Variants in SLC38A11 observed in about 807,000 individuals in gnomAD.
SLC38A11 encodes the protein solute carrier family 38 member 11.
A neutral mutation model predicts 49.4 loss-of-function variants in SLC38A11; 51 were observed. The ratio of observed to expected loss-of-function variants is 1.03; its 90% CI spans 0.83 to 1.30. The LOEUF is 1.30. SLC38A11 is among the 50% of genes most tolerant of loss of function. SLC38A11 has a pLI of 0.00. For synonymous variants in SLC38A11, 203 were observed against 192.9 expected (o/e 1.05, Z -0.43); for missense variants, 574 against 556.2 (o/e 1.03, Z -0.32).
intron 11 of SLC38A11, among the ~76,000 whole-genome samples, chr2:164,899,756 A>G (rs940892999): frequency 1.3e-5 from 2 of 152,112 alleles, no homozygotes; most frequent in Admixed American, 6.6e-5. Context: ...GTATTGAACT[A>G]ACATATCTAT....
At chr2:164,940,200 C>A (rs1687663594) in intron 5 of SLC38A11, among the ~76,000 whole-genome samples, 1 of 142,944 alleles carries the variant, frequency 7.0e-6, no homozygotes. Context: ...AGATTCTTGG[C>A]TATATGGTCA....
chr2:164,915,927 G>A lies in SLC38A11; in HGVS notation c.664C>T (p.Gln222Ter), dbSNP rs2105463975. Residue 222 changes from glutamine (Q) to a stop codon, truncating the protein, a stop_gained, in exon 8 of 12, where the codon CAA becomes TAA. Coordinates refer to ENST00000685975, the MANE Select transcript of SLC38A11 (RefSeq NM_001351537.2). LOFTEE classifies it high-confidence loss of function. ...CCAAAAGACATAACCCCGACCGCTT[G>A]AATGGCATTGGGCTTTGCAAATACC... ...AWVFAKPNAIQAVGVMSFAFI... is the reference protein window; with the variant it reads ...AWVFAKPNAI The A allele has an allele frequency of 2.5e-6, 4 of 1,603,020 alleles. No homozygotes were observed. The highest frequency in any genetic ancestry group is 3.4e-6 in the Non-Finnish European group (4 of 1,171,840).
At chr2:164,940,990 C>A (rs971463922) in intron 5 of SLC38A11, among the ~76,000 whole-genome samples, 1 of 151,840 alleles carries the variant, frequency 6.6e-6, no homozygotes, top group Non-Finnish European at 1.5e-5. Flanking sequence ...ACCCTTTAAA[C>A]GTTTTGCTTC....
At chr2:164,939,622 G>A in intron 5 of SLC38A11, 66 bp from the exon 6 acceptor site, 1 of 977,202 alleles carries the variant, frequency 1.0e-6, no homozygotes. Flanking sequence ...ACACTAAATA[G>A]GCCAGCATTT....
chr2:164,911,272 T>C (rs960294946), intron 10 of SLC38A11, among the ~76,000 whole-genome samples: 4 of 152,118 alleles, frequency 2.6e-5, no homozygotes, highest in Non-Finnish European at 4.4e-5. Context: ...AAACATGTTT[T>C]AAACCTTGAT....
rs188408211 is a variant in SLC38A11 at position 164,939,737 on chromosome 2, A to C, written c.431-181T>G. On this transcript the variant is annotated intron_variant, in intron 5 of 11. Transcript: ENST00000685975. The stretch of plus-strand genomic sequence containing the variant: ...ACATAAAAATAAATCACAAAAATAC[A>C]AACACAAAAAAATTTCAGGATGACT... Among the ~76,000 whole-genome samples the C allele has an allele frequency of 3.4e-3, 497 of 145,934 alleles. 2 individuals are homozygous for C. Among genetic ancestry groups the C allele is most frequent in the Non-Finnish European group, 5.6e-3 (365 of 65,442 alleles).
chr2:164,945,376 G>A (rs1185730449), intron 4 of SLC38A11, among the ~76,000 whole-genome samples: 1 of 151,148 alleles, frequency 6.6e-6, no homozygotes, highest in Non-Finnish European at 1.5e-5. Flanking sequence ...TTAACCTAGT[G>A]AAAATAACCC....
chr2:164,918,028 C>T (rs1266737106), intron 7 of SLC38A11, among the ~76,000 whole-genome samples: 1 of 150,560 alleles, frequency 6.6e-6, no homozygotes, highest in Non-Finnish European at 1.5e-5. Context: ...TATGGCTTTC[C>T]AATCATTTAT....
intron 7 of SLC38A11, among the ~76,000 whole-genome samples, chr2:164,927,916 G>A (rs1439502637): frequency 6.6e-6 from 1 of 152,094 alleles, no homozygotes; most frequent in Admixed American, 6.6e-5. Context: ...CCCAGTACCT[G>A]GAAGAGTGAC....
chr2:164,910,597 G>A (rs374489247), intron 10 of SLC38A11, among the ~76,000 whole-genome samples: 5 of 152,020 alleles, frequency 3.3e-5, no homozygotes, highest in Admixed American at 6.6e-5. Flanking sequence ...CTGTTTCCCC[G>A]TGCAGTCAGT....
intron 11 of SLC38A11, among the ~76,000 whole-genome samples, chr2:164,905,713 T>G (rs1159240829): frequency 6.6e-6 from 1 of 152,190 alleles, no homozygotes; most frequent in Non-Finnish European, 1.5e-5. Flanking sequence ...CATAATTGTC[T>G]TGGGCTATTA....
At chr2:164,952,628 A>G in intron 3 of SLC38A11, 79 bp downstream of exon 3, 1 of 812,708 alleles carries the variant, frequency 1.2e-6, no homozygotes, top group Non-Finnish European at 2.1e-6. Context: ...CAGTTGCAGC[A>G]TGTGTGTGTG....
intron 11 of SLC38A11, among the ~76,000 whole-genome samples, chr2:164,899,555 G>A (rs1684522209): frequency 6.6e-6 from 1 of 151,802 alleles, no homozygotes. Flanking sequence ...ATGCATTTTA[G>A]GTAATATGTT....
At chr2:164,920,250 C>A in intron 7 of SLC38A11, among the ~76,000 whole-genome samples, 1 of 144,712 alleles carries the variant, frequency 6.9e-6, no homozygotes. Flanking sequence ...CACTCCACTC[C>A]AGCCTGGGTG....
chr2:164,932,670 C>T (rs376335545), intron 7 of SLC38A11, among the ~76,000 whole-genome samples: 1 of 151,938 alleles, frequency 6.6e-6, no homozygotes, highest in African/African-American at 2.4e-5. Flanking sequence ...CATTTATAAG[C>T]GGGAGCTAAA....
rs1688639784 is a variant in SLC38A11, at chr2:164,953,207, C to A, written c.155-426G>T. ...AAGGGTTATGGAATATTAAGAAAGA[C>A]AGACTCTGGAGTCAAAATGGGGCTA... On this transcript the variant is annotated intron_variant, in intron 2 of 11. Transcript: ENST00000685975. 2 of 154,962 alleles carry A rather than the reference C, an allele frequency of 1.3e-5. 1 individual carries two copies. The highest frequency in any genetic ancestry group is 4.8e-5 in the African/African-American group (2 of 41,414). The allele number at this position is 154,962 out of a possible 1,614,324, so 9.6% of individuals were successfully genotyped here. A position where few individuals can be genotyped will look rare whatever the true frequency, so the allele number is the denominator to read the frequency against.
intron 7 of SLC38A11, among the ~76,000 whole-genome samples, chr2:164,916,211 A>G (rs1685774235): frequency 6.6e-6 from 1 of 152,120 alleles, no homozygotes; most frequent in Non-Finnish European, 1.5e-5. Flanking sequence ...ATTTTTACAT[A>G]TGTAAAATAT....
At chr2:164,918,318 A>T (rs1291276782) in intron 7 of SLC38A11, among the ~76,000 whole-genome samples, 1 of 152,096 alleles carries the variant, frequency 6.6e-6, no homozygotes, top group Non-Finnish European at 1.5e-5. Flanking sequence ...TATAATCAAT[A>T]TTTATTAATA....
intron 7 of SLC38A11, among the ~76,000 whole-genome samples, chr2:164,919,074 C>T (rs905084506): frequency 2.6e-5 from 4 of 152,066 alleles, no homozygotes; most frequent in South Asian, 4.1e-4. Flanking sequence ...TGATGGTTCA[C>T]GCCTGAAATC....
Sources: allele counts gnomAD v4.1 joint callset (sites outside exome capture counted in the v4.1 genomes callset), GRCh38; gene constraint gnomAD v4.1.1; transcripts MANE v1.5; gene names NCBI Gene and HGNC (gene_info 2026-07-23, HGNC 2026-07-21).